WNT7A: variants seen among roughly 807,000 people sequenced by gnomAD.
The protein encoded by WNT7A is protein Wnt-7a.
A neutral mutation model predicts 28.2 loss-of-function variants in WNT7A; 16 were observed. That is an observed-to-expected ratio of 0.57 (90% CI 0.38 to 0.86). The LOEUF is 0.86. Ranked by LOEUF, WNT7A falls within the 40% of genes least tolerant of loss-of-function variation. The pLI is 0.00. For missense variants in WNT7A, 411 were observed against 489.7 expected, an observed-to-expected ratio of 0.84 and a Z score of 1.52; for synonymous variants, 190 against 195.9, an observed-to-expected ratio of 0.97 and a Z score of 0.25.
At chr3:13,826,747 A>G (rs1021642008) in intron 3 of WNT7A, among the ~76,000 whole-genome samples, 5 of 152,168 alleles carry the variant, frequency 3.3e-5, no homozygotes, top group Admixed American at 2.0e-4. Context: ...AACATCTACA[A>G]TTTTTGATAT....
At chr3:13,847,628 C>T (rs1694560682) in intron 3 of WNT7A, among the ~76,000 whole-genome samples, 1 of 152,236 alleles carries the variant, frequency 6.6e-6, no homozygotes, top group Admixed American at 6.5e-5. Flanking sequence ...CTGACCTAAA[C>T]TTACACCTCA....
rs368067438 is a variant in WNT7A at position 13,826,632 on chromosome 3, A to G, written c.571-7209T>C. ...TTTGGTGCTACCGAAATCTGACTCC[A>G]GTCAGCTCAGGCATCTACAGAGGAT... On this transcript the variant is annotated intron_variant, in intron 3 of 3. Transcript: ENST00000285018. Among the ~76,000 whole-genome samples, 76 of 152,338 alleles carry G rather than the reference A, an allele frequency of 5.0e-4. 1 individual carries two copies. In the East Asian group the frequency reaches 0.01, roughly 20 times the overall value.
chr3:13,851,126 C>T (rs1694630759), intron 3 of WNT7A, among the ~76,000 whole-genome samples: 2 of 152,234 alleles, frequency 1.3e-5, no homozygotes, highest in African/African-American at 4.8e-5. Flanking sequence ...CCGTGCGCCC[C>T]GAGGCTCCTG....
chr3:13,856,929 G>A (rs939542658), intron 2 of WNT7A, among the ~76,000 whole-genome samples: 14 of 116,472 alleles, frequency 1.2e-4, no homozygotes, highest in East Asian at 4.1e-4. Flanking sequence ...AGAAGAAGAA[G>A]AAGAAGAAGA....
chr3:13,844,002 C>T (rs1248086951), intron 3 of WNT7A, among the ~76,000 whole-genome samples: 2 of 152,144 alleles, frequency 1.3e-5, no homozygotes, highest in Admixed American at 6.6e-5. Context: ...CACCCTTGGC[C>T]TCCCAAAGTG....
intron 3 of WNT7A, among the ~76,000 whole-genome samples, chr3:13,824,648 A>G (rs2341044): frequency 0.67 from 102,353 of 152,074 alleles, 34,912 homozygotes; most frequent in East Asian, 0.89. Flanking sequence ...CCCCAGGCCC[A>G]TGCTCTCTCC....
chr3:13,831,302 G>C (rs538823520), intron 3 of WNT7A, among the ~76,000 whole-genome samples: 1 of 152,340 alleles, frequency 6.6e-6, no homozygotes, highest in South Asian at 2.1e-4. Context: ...AATGCACACA[G>C]AAACCTTATG....
intron 2 of WNT7A, among the ~76,000 whole-genome samples, chr3:13,872,536 C>T (rs59694948): frequency 0.051 from 7,760 of 152,194 alleles, 659 homozygotes; most frequent in African/African-American, 0.17. Flanking sequence ...CAGGCTCCTC[C>T]GACCAACTGC....
chr3:13,833,272 T>A (rs1694311117), intron 3 of WNT7A, among the ~76,000 whole-genome samples: 1 of 152,052 alleles, frequency 6.6e-6, no homozygotes, highest in African/African-American at 2.4e-5. Context: ...ACACATATGC[T>A]CACACACAGG....
At chr3:13,875,290 C>CT in intron 1 of WNT7A, 117 bp from the exon 2 acceptor site, 2 of 982,520 alleles carry the variant, frequency 2.0e-6, no homozygotes, top group Admixed American at 2.0e-5. Flanking sequence ...GGTCTCCCAA[C>CT]TTTTTTGATC....
At chr3:13,856,962 GAAGAAGGAGAAGA>G (rs1694752947) in intron 2 of WNT7A, among the ~76,000 whole-genome samples, 2 of 122,812 alleles carry the variant, frequency 1.6e-5, no homozygotes, top group Admixed American at 8.2e-5. Context: ...AGAAGAAGAA[GAAGAAGGAGAAGA>G]AGAAGAAGAA....
At position 13,818,351 on chromosome 3, in the gene WNT7A, C is replaced by CAAAAAAAATAAAAAAA. The variant is rs1694047332; in HGVS notation, c.*592_*593insTTTTTTTATTTTTTTT. 1.3e-5 allele frequency: 1 copy of CAAAAAAAATAAAAAAA among 79,952 alleles called. No homozygotes were observed. The highest frequency in any genetic ancestry group is 4.9e-5 in the African/African-American group (1 of 20,618). The allele number at this position is 79,952 out of a possible 1,614,324, so 5.0% of individuals were successfully genotyped here. On this transcript the variant is annotated 3_prime_UTR_variant, in exon 4 of 4. Transcript: ENST00000285018. ...TTTCTGGATAAGTAGCAGCAAACAG[C>CAAAAAAAATAAAAAAA]AAAAAAAAAAAAAAAAATGTGTGTG...
At chr3:13,820,340 C>A (rs186326861) in intron 3 of WNT7A, among the ~76,000 whole-genome samples, 66 of 152,122 alleles carry the variant, frequency 4.3e-4, no homozygotes, top group Admixed American at 1.2e-3. Flanking sequence ...ACACACTGGG[C>A]CCATGCTTTT....
intron 2 of WNT7A, among the ~76,000 whole-genome samples, chr3:13,863,100 A>G (rs764026525): frequency 2.6e-5 from 4 of 152,184 alleles, no homozygotes; most frequent in Non-Finnish European, 4.4e-5. Flanking sequence ...GGAGGATTAA[A>G]TAAGCCAATG....
intron 2 of WNT7A, among the ~76,000 whole-genome samples, chr3:13,861,723 T>G (rs548095248): frequency 6.6e-6 from 1 of 152,152 alleles, no homozygotes; most frequent in South Asian, 2.1e-4. Context: ...TGGGCGGGTG[T>G]GGATTCTGCC....
intron 3 of WNT7A, among the ~76,000 whole-genome samples, chr3:13,851,314 C>T (rs1476945906): frequency 6.6e-6 from 1 of 152,174 alleles, no homozygotes; most frequent in Non-Finnish European, 1.5e-5. Context: ...AGGATCTAGC[C>T]CCTCTGCAGC....
intron 3 of WNT7A, among the ~76,000 whole-genome samples, chr3:13,840,238 T>C (rs942081183): frequency 6.6e-6 from 1 of 152,212 alleles, no homozygotes; most frequent in Non-Finnish European, 1.5e-5. Context: ...AAAATGCCCC[T>C]GCTCCTGACA....
At chr3:13,876,518 C>T (rs1695113342) in intron 1 of WNT7A, among the ~76,000 whole-genome samples, 1 of 152,196 alleles carries the variant, frequency 6.6e-6, no homozygotes, top group Non-Finnish European at 1.5e-5. Flanking sequence ...AGTGGTAGGG[C>T]TGCAGGTAGA....
intron 2 of WNT7A, among the ~76,000 whole-genome samples, chr3:13,874,543 C>G (rs1039171467): frequency 3.3e-5 from 5 of 152,116 alleles, no homozygotes; most frequent in Non-Finnish European, 7.4e-5. Flanking sequence ...GAGTTGTGTT[C>G]TCAGTTTAAG....
Sources: gnomAD v4.1 joint callset for allele counts (sites outside exome capture counted in the v4.1 genomes callset) on GRCh38, gnomAD v4.1.1 for gene constraint, MANE v1.5 for transcripts, NCBI Gene and HGNC (gene_info 2026-07-23, HGNC 2026-07-21) for gene names.